Variants in CYFIP1 observed in about 807,000 individuals in gnomAD.
CYFIP1 encodes cytoplasmic FMR1 interacting protein 1.
CYFIP1 carries 58 observed loss-of-function variants against 163.5 expected under a neutral mutation model. The observed-to-expected ratio is 0.35, with a 90% CI of 0.29 to 0.44. The LOEUF is 0.44. CYFIP1 is among the 20% of genes least tolerant of loss of function. The pLI, the probability that CYFIP1 is intolerant of heterozygous loss-of-function variation, is 1.00. For missense variants in CYFIP1, 1,338 were observed against 1,653.8 expected (o/e 0.81, Z 3.31); for synonymous variants, 663 against 660.7 (o/e 1.00, Z -0.05).
intron 1 of CYFIP1, among the ~76,000 whole-genome samples, chr15:22,974,479 C>T (rs553277039): frequency 1.1e-4 from 16 of 152,298 alleles, no homozygotes; most frequent in African/African-American, 3.8e-4. Context: ...CCTATAATCC[C>T]AGTACTGGGA....
chr15:22,912,166 G>A lies in CYFIP1; in HGVS notation c.2082+13C>T, dbSNP rs2060807403. 2 of 1,603,864 alleles carry A rather than the reference G, an allele frequency of 1.2e-6. No homozygotes were observed. Among genetic ancestry groups the A allele is most frequent in the Non-Finnish European group, 1.7e-6 (2 of 1,171,986 alleles). On this transcript the variant is annotated intron_variant, in intron 18 of 30. Transcript: ENST00000617928. Reference sequence around the variant, plus strand: ...GAAGGAAATGAACAGAAATGGAGCTGCAGGGGCCTCACCTCGGCCTCAATT... The same window carrying A: ...GAAGGAAATGAACAGAAATGGAGCTACAGGGGCCTCACCTCGGCCTCAATT...
intron 1 of CYFIP1, among the ~76,000 whole-genome samples, chr15:22,959,964 G>A (rs543251215): frequency 2.0e-5 from 3 of 152,274 alleles, no homozygotes; most frequent in South Asian, 2.1e-4. Context: ...GAATCCCCAC[G>A]TGGCTGGCCT....
chr15:22,881,884 T>C lies in CYFIP1; in HGVS notation c.2873A>G (p.Lys958Arg). ...CTCGTGCCGGGGCAGGCGGCAGATC[T>C]TGGGCATCACCTCCATCAGCGTCTT... Reference protein sequence around the residue: ...YVKTLMEVMPKICRLPRHEYG... With the variant: ...YVKTLMEVMPRICRLPRHEYG... Residue 958 changes from lysine to arginine, a missense_variant, in exon 25 of 31, where the codon AAG (lysine) becomes AGG (arginine). Around this residue, in one of 4 missense-constraint regions of CYFIP1, gnomAD observed 824 missense variants for 995.7 expected, o/e 0.83. Coordinates refer to ENST00000617928, the MANE Select transcript of CYFIP1 (RefSeq NM_014608.6). The C allele has an allele frequency of 1.2e-6, 2 of 1,612,484 alleles. No individual in the cohort carries two copies. The highest frequency in any genetic ancestry group is 1.7e-6 in the Non-Finnish European group (2 of 1,180,008).
chr15:22,927,980 A>G lies in CYFIP1; in HGVS notation c.1159T>C (p.Tyr387His). The G allele has an allele frequency of 6.3e-7, 1 of 1,599,960 alleles. No homozygotes were observed. The highest frequency in any genetic ancestry group is 8.5e-7 in the Non-Finnish European group (1 of 1,175,376). The change falls in exon 12 of 31, where the codon TAC (tyrosine) becomes CAC (histidine). Residue 387 changes from tyrosine to histidine, a missense_variant. Physicochemically the swap from Tyr to His is moderately conservative, Grantham distance 83. This residue lies in a region of CYFIP1 where 824 missense variants were observed against 995.7 expected (regional missense o/e 0.83). Transcript: ENST00000617928. Reference sequence around the variant, plus strand: ...AGCGCCAGGTCGAAGAGCTTGCGGTACTCCGCGTCCGTCTTCTGGGCCTCC... The same window carrying G: ...AGCGCCAGGTCGAAGAGCTTGCGGTGCTCCGCGTCCGTCTTCTGGGCCTCC... ...RQEAQKTDAE[Y>H]RKLFDLALQG...
chr15:22,927,980 A>C lies in CYFIP1; in HGVS notation c.1159T>G (p.Tyr387Asp). Residue 387 changes from tyrosine (Y) to aspartate (D), a missense_variant, in exon 12 of 31, where the codon TAC becomes GAC. Tyr to Asp is a radical substitution (Grantham distance 160). Coordinates refer to ENST00000617928, the MANE Select transcript of CYFIP1 (RefSeq NM_014608.6). The stretch of plus-strand genomic sequence containing the variant: ...AGCGCCAGGTCGAAGAGCTTGCGGT[A>C]CTCCGCGTCCGTCTTCTGGGCCTCC... ...RQEAQKTDAEYRKLFDLALQG... is the reference protein window; with the variant it reads ...RQEAQKTDAEDRKLFDLALQG... 6.3e-7 allele frequency: 1 copy of C among 1,599,960 alleles called. No individual in the cohort carries two copies. Among genetic ancestry groups the C allele is most frequent in the Non-Finnish European group, 8.5e-7 (1 of 1,175,376 alleles).
At chr15:22,961,472 A>G (rs2062679361) in intron 1 of CYFIP1, among the ~76,000 whole-genome samples, 1 of 152,140 alleles carries the variant, frequency 6.6e-6, no homozygotes, top group African/African-American at 2.4e-5. Context: ...TCAACTTCTC[A>G]GGCTCAAGTG....
chr15:22,916,360 C>A, intron 16 of CYFIP1, 117 bp downstream of exon 16: 1 of 768,914 alleles, frequency 1.3e-6, no homozygotes, highest in Non-Finnish European at 2.1e-6. Flanking sequence ...GGACGAGTCA[C>A]CGTCTGGGTG....
At chr15:22,921,344 G>C (rs1435698448) in intron 13 of CYFIP1, among the ~76,000 whole-genome samples, 8 of 151,294 alleles carry the variant, frequency 5.3e-5, no homozygotes, top group Non-Finnish European at 2.9e-5. Context: ...CTCCAGCCTA[G>C]GTGACACAGC....
intron 7 of CYFIP1, 38 bp from the exon 8 acceptor site, chr15:22,939,358 C>G: frequency 1.2e-6 from 2 of 1,614,070 alleles, no homozygotes; most frequent in South Asian, 2.2e-5. Context: ...ATGGGCCCGG[C>G]GCCCGGCCGG....
At position 22,947,445 on chromosome 15, in the gene CYFIP1, G is replaced by T; in HGVS notation, c.-6-154C>A. On this transcript the variant is annotated intron_variant, in intron 1 of 30. Coordinates refer to ENST00000617928, the MANE Select transcript of CYFIP1 (RefSeq NM_014608.6). ...GGCATGATCAGTCCTTGGGAGTTGC[G>T]TGTCTCTCTCAGGGCACGTGGGCCA... 7 of 1,044,316 alleles carry T rather than the reference G, an allele frequency of 6.7e-6. No individual in the cohort carries two copies. The South Asian group carries it at 1.1e-4, about 16-fold the overall frequency. The allele number at this position is 1,044,316 out of a possible 1,614,324, so 64.7% of individuals were successfully genotyped here.
Position 22,870,198 on chromosome 15 carries a change from A to G in CYFIP1, c.3598-6T>C. The G allele has an allele frequency of 6.2e-7, 1 of 1,602,734 alleles. No individual in the cohort carries two copies. The highest frequency in any genetic ancestry group is 8.5e-7 in the Non-Finnish European group (1 of 1,176,150). Reference sequence around the variant, plus strand: ...TCCACCATCTTCTTCAAAGGCTACAACCATCAAAGTGAGGATGTTTTACTA... The same window carrying G: ...TCCACCATCTTCTTCAAAGGCTACAGCCATCAAAGTGAGGATGTTTTACTA... On this transcript the variant is annotated splice_polypyrimidine_tract_variant and splice_region_variant and intron_variant, in intron 30 of 30. Coordinates refer to ENST00000617928, the MANE Select transcript of CYFIP1 (RefSeq NM_014608.6).
rs1376736508 is a variant in CYFIP1 at position 22,918,678 on chromosome 15, T to C, written c.1526+14A>G. On this transcript the variant is annotated intron_variant, in intron 14 of 30. Coordinates refer to ENST00000617928, the MANE Select transcript of CYFIP1 (RefSeq NM_014608.6). The stretch of plus-strand genomic sequence containing the variant: ...GTGTGGGCACAGCGGGCACAGGGCG[T>C]GGGGAAGGCTGACCTCTGGATGACG... The C allele has an allele frequency of 6.4e-7, 1 of 1,574,288 alleles. No homozygotes were observed. The highest frequency in any genetic ancestry group is 1.2e-5 in the South Asian group (1 of 85,374).
Position 22,937,342 on chromosome 15 carries a change from C to T in CYFIP1, c.796-134G>A, listed in dbSNP as rs2061743238. On this transcript the variant is annotated intron_variant, in intron 8 of 30. Transcript: ENST00000617928. Reference sequence around the variant, plus strand: ...TAGATCACAAAGATCTATCTTTAGGCTGCTTGTCTGGTGCTTGAAATGCAT... The same window carrying T: ...TAGATCACAAAGATCTATCTTTAGGTTGCTTGTCTGGTGCTTGAAATGCAT... 6.5e-6 allele frequency: 4 copies of T among 613,936 alleles called. No homozygotes were observed. In the South Asian group the frequency reaches 8.7e-5, roughly 13 times the overall value. 38.0% of individuals were successfully genotyped at this position (613,936 alleles called of 1,614,324 possible).
intron 23 of CYFIP1, among the ~76,000 whole-genome samples, chr15:22,888,631 C>G (rs2059987173): frequency 6.6e-6 from 1 of 151,798 alleles, no homozygotes; most frequent in African/African-American, 2.4e-5. Context: ...ACTTGGGAGG[C>G]TGAGGCAGGA....
chr15:22,904,205 A>C, intron 21 of CYFIP1: 13 of 461,288 alleles, frequency 2.8e-5, no homozygotes, highest in East Asian at 8.3e-5. Flanking sequence ...CCTTCCCCCC[A>C]TGTGCCCGCT....
In CYFIP1 at chr15:22,916,249, TC is replaced by T. The variant is rs1403592027; in HGVS notation, c.1828+227del. 2.6e-5 allele frequency among the ~76,000 whole-genome samples: 4 copies of T among 152,182 alleles called. No individual in the cohort carries two copies. In the East Asian group the frequency reaches 7.7e-4, roughly 29 times the overall value. On this transcript the variant is annotated intron_variant, in intron 16 of 30. Transcript: ENST00000617928. ...GGGTTGAAAAGATTTTCTGTTCATGTCTCAGGGCCAGCCCGGGCTCCTCAGT... is the reference window on the plus strand; with the variant it reads ...GGGTTGAAAAGATTTTCTGTTCATGTTCAGGGCCAGCCCGGGCTCCTCAGT...
intron 22 of CYFIP1, among the ~76,000 whole-genome samples, chr15:22,901,159 C>T (rs1387286490): frequency 1.3e-5 from 2 of 151,422 alleles, no homozygotes; most frequent in South Asian, 2.1e-4. Flanking sequence ...GCCAAGATCA[C>T]ACCACTGCAC....
chr15:22,954,056 AAAAAACAAAAAC>A (rs67394117), intron 1 of CYFIP1, among the ~76,000 whole-genome samples: 10 of 151,754 alleles, frequency 6.6e-5, no homozygotes, highest in Middle Eastern at 3.4e-3. Context: ...GACTGTCTCA[AAAAAACAAAAAC>A]AAAAACAAAA....
chr15:22,964,302 ACACACACACACAACT>A (rs2062812406), intron 1 of CYFIP1, among the ~76,000 whole-genome samples: 1 of 113,480 alleles, frequency 8.8e-6, no homozygotes, highest in South Asian at 2.7e-4. Flanking sequence ...ACACACACAC[ACACACACACACAACT>A]GGCGGCCCCA....
Sources: gnomAD v4.1 joint callset for allele counts (sites outside exome capture counted in the v4.1 genomes callset) on GRCh38, gnomAD v4.1.1 for gene constraint, gnomAD v4.1.1 regional missense constraint, MANE v1.5 for transcripts, NCBI Gene and HGNC (gene_info 2026-07-23, HGNC 2026-07-21) for gene names.